The following NRAP variants were observed in gnomAD, a reference collection of about 807,000 sequenced individuals.
NRAP encodes nebulin related anchoring protein, also known as nebulin-related-anchoring protein.
Under a neutral mutation model 225.9 loss-of-function variants are expected in NRAP, and 189 were observed. The ratio of observed to expected loss-of-function variants is 0.84; its 90% confidence interval spans 0.74 to 0.94. The LOEUF (loss-of-function observed/expected upper bound fraction) is 0.94. NRAP is among the 40% of genes least tolerant of loss of function. The pLI is 0.00. For missense variants in NRAP, 2,176 were observed against 2,168.7 expected (o/e 1.00, Z -0.07); for synonymous variants, 769 against 790.7 (o/e 0.97, Z 0.46).
Position 113,654,141 on chromosome 10 carries a change from A to G in NRAP, c.361-16T>C, listed in dbSNP as rs1369146760. On this transcript the variant is annotated splice_polypyrimidine_tract_variant and intron_variant, in intron 4 of 41. Transcript: ENST00000359988. ...AATAGGCTCTCTACAAAGGAAGCAC[A>G]TGAAGGGATACAAACACATGCCCCA... 2 of 1,483,244 alleles carry G rather than the reference A, an allele frequency of 1.3e-6. No homozygotes were observed. The highest frequency in any genetic ancestry group is 1.9e-6 in the Non-Finnish European group (2 of 1,061,136). The allele number at this position is 1,483,244 out of a possible 1,614,324, so 91.9% of individuals were successfully genotyped here.
At position 113,643,023 on chromosome 10, in the gene NRAP, CCTT is replaced by C. The variant is rs1849296629; in HGVS notation, c.1123_1125del (p.Lys375del). On this transcript the variant is annotated inframe_deletion, in exon 12 of 42. Coordinates refer to ENST00000359988, the MANE Select transcript of NRAP (RefSeq NM_198060.4). The stretch of plus-strand genomic sequence containing the variant: ...CTGTGACCTCTACTACTTTCCAGAT[CCTT>C]CTTATACTCCACCTTGGAAATCAAA... 1 of 1,559,568 alleles carries C rather than the reference CCTT, an allele frequency of 6.4e-7. No homozygotes were observed.
chr10:113,625,956 T>C (rs544303117), intron 21 of NRAP, 91 bp downstream of exon 21: 2 of 786,638 alleles, frequency 2.5e-6, no homozygotes, highest in Non-Finnish European at 3.9e-6. Flanking sequence ...GGTTTCTGGA[T>C]TGTGCCTGGG....
At chr10:113,629,097 A>G in intron 19 of NRAP, 76 bp from the exon 20 acceptor site, 1 of 1,052,688 alleles carries the variant, frequency 9.5e-7, no homozygotes, top group South Asian at 1.3e-5. Flanking sequence ...AGAGTTAAGA[A>G]GATCTTGATC....
At position 113,629,795 on chromosome 10, in the gene NRAP, A is replaced by C; in HGVS notation, c.1843-10T>G. ...CTTTCTTATATTCAACCTTGAATAT[A>C]CCAAAACAAGGCCCGTTTTGTTAGT... On this transcript the variant is annotated splice_polypyrimidine_tract_variant and intron_variant, in intron 18 of 41. Transcript: ENST00000359988. 1 of 1,599,810 alleles carries C rather than the reference A, an allele frequency of 6.3e-7. No individual in the cohort carries two copies. The highest frequency in any genetic ancestry group is 8.6e-7 in the Non-Finnish European group (1 of 1,167,050).
In NRAP at chr10:113,614,959, T is replaced by G. The variant is rs956219861; in HGVS notation, c.3079-13A>C. 6.0e-6 allele frequency: 9 copies of G among 1,489,868 alleles called. No homozygotes were observed. The African/African-American group carries it at 1.2e-4, about 21-fold the overall frequency. 92.3% of individuals were successfully genotyped at this position (1,489,868 alleles called of 1,614,324 possible). ...CCTTATAACGCGTCTGTCGGGAAGATGTGCACAAGGAAAGACCTTTAAGTG... is the reference window on the plus strand; with the variant it reads ...CCTTATAACGCGTCTGTCGGGAAGAGGTGCACAAGGAAAGACCTTTAAGTG... On this transcript the variant is annotated splice_polypyrimidine_tract_variant and intron_variant, in intron 27 of 41. Coordinates refer to ENST00000359988, the MANE Select transcript of NRAP (RefSeq NM_198060.4).
At chr10:113,641,131 T>G (rs1229206192) in intron 13 of NRAP, among the ~76,000 whole-genome samples, 2 of 152,246 alleles carry the variant, frequency 1.3e-5, no homozygotes, top group African/African-American at 2.4e-5. Context: ...ACTGAAGTAC[T>G]CTTCAAATTA....
chr10:113,589,367 G>GAGCA, intron 41 of NRAP: 1 of 564,008 alleles, frequency 1.8e-6, no homozygotes, highest in Non-Finnish European at 3.1e-6. Flanking sequence ...CGAATGTAAC[G>GAGCA]AGCAAGCAGT....
intron 11 of NRAP, 49 bp downstream of exon 11, chr10:113,645,776 G>A: frequency 1.1e-6 from 1 of 938,116 alleles, no homozygotes; most frequent in Middle Eastern, 2.2e-4. Context: ...CTGACTATAG[G>A]AGATAAAAGA....
intron 30 of NRAP, among the ~76,000 whole-genome samples, chr10:113,611,663 C>T (rs918989414): frequency 1.3e-5 from 2 of 152,196 alleles, no homozygotes; most frequent in South Asian, 4.1e-4. Context: ...TCCCTCTCCA[C>T]TCCCTGAAGT....
chr10:113,617,420 T>A (rs763451520), intron 26 of NRAP, 35 bp downstream of exon 26: 32 of 1,243,378 alleles, frequency 2.6e-5, no homozygotes, highest in African/African-American at 4.4e-5. Context: ...AAGAGCCCAC[T>A]CTTAGAGTCA....
At chr10:113,642,470 G>A (rs977707059) in intron 12 of NRAP, among the ~76,000 whole-genome samples, 3 of 152,130 alleles carry the variant, frequency 2.0e-5, no homozygotes, top group Non-Finnish European at 2.9e-5. Context: ...GACCTGCTCT[G>A]AGAATCTCCA....
rs759642576 is a variant in NRAP, at chr10:113,640,250, T to C, written c.1405A>G (p.Met469Val). The change falls in exon 14 of 42, where the codon ATG becomes GTG. Residue 469 changes from methionine to valine, a missense_variant. This residue lies in a region of NRAP where 1,708 missense variants were observed against 1,695.5 expected (regional missense o/e 1.01). Coordinates refer to ENST00000359988, the MANE Select transcript of NRAP (RefSeq NM_198060.4). Reference protein sequence around the residue: ...ATLTPSYQTAMKLVPLKDANY... With the variant: ...ATLTPSYQTAVKLVPLKDANY... The stretch of plus-strand genomic sequence containing the variant: ...ACATCTTTCAAGGGCACCAGTTTCA[T>C]AGCTGTTTGATAGGAAGGCGTGAGA... The C allele has an allele frequency of 1.0e-5, 16 of 1,604,014 alleles. No homozygotes were observed. The Admixed American group carries it at 2.6e-4, about 26-fold the overall frequency.
intron 14 of NRAP, among the ~76,000 whole-genome samples, chr10:113,635,387 A>G (rs968660385): frequency 6.6e-6 from 1 of 152,138 alleles, no homozygotes; most frequent in African/African-American, 2.4e-5. Flanking sequence ...GAAAAGAGGG[A>G]GAGGTTGTGG....
Position 113,589,788 on chromosome 10 carries a change from T to C in NRAP, c.4966A>G (p.Lys1656Glu). Residue 1656 changes from lysine to glutamate, a missense_variant, in exon 41 of 42, where the codon AAA becomes GAA. Physicochemically the swap from Lys to Glu is moderately conservative, Grantham distance 56. Around this residue, in one of 3 missense-constraint regions of NRAP, gnomAD observed 445 missense variants for 426.1 expected, o/e 1.04. Coordinates refer to ENST00000359988, the MANE Select transcript of NRAP (RefSeq NM_198060.4). ...AHQLQSDVKY[K>E]SDLNLTRGVG... Reference sequence around the variant, plus strand: ...CCTCTGGTCAGGTTCAAGTCTGATTTATACTTGACCTTGAGGGTAAGAGGG... The same window carrying C: ...CCTCTGGTCAGGTTCAAGTCTGATTCATACTTGACCTTGAGGGTAAGAGGG... 1.9e-6 allele frequency: 3 copies of C among 1,613,912 alleles called. No homozygotes were observed. The highest frequency in any genetic ancestry group is 2.5e-6 in the Non-Finnish European group (3 of 1,179,942).
chr10:113,615,599 T>C, intron 27 of NRAP, 113 bp downstream of exon 27: 1 of 710,010 alleles, frequency 1.4e-6, no homozygotes, highest in Non-Finnish European at 2.6e-6. Flanking sequence ...AAGGTGGTGA[T>C]GGCAGAACAT....
intron 14 of NRAP, among the ~76,000 whole-genome samples, chr10:113,636,821 A>G (rs1168803175): frequency 1.3e-5 from 2 of 152,056 alleles, no homozygotes; most frequent in Non-Finnish European, 2.9e-5. Flanking sequence ...AGCCTCACCA[A>G]CATAGTGAAA....
chr10:113,609,436 T>C (rs576938417), intron 31 of NRAP, among the ~76,000 whole-genome samples: 1 of 152,282 alleles, frequency 6.6e-6, no homozygotes, highest in African/African-American at 2.4e-5. Flanking sequence ...TGAACACCTA[T>C]TACTTCCAGT....
At chr10:113,627,996 C>T (rs1848377385) in intron 20 of NRAP, among the ~76,000 whole-genome samples, 1 of 152,016 alleles carries the variant, frequency 6.6e-6, no homozygotes, top group Non-Finnish European at 1.5e-5. Flanking sequence ...CCTTCTTGGC[C>T]CTGAAACAAG....
intron 1 of NRAP, 147 bp from the exon 2 acceptor site, chr10:113,663,593 C>T (rs1850832448): frequency 6.2e-6 from 4 of 644,426 alleles, no homozygotes; most frequent in Admixed American, 2.9e-5. Context: ...TATAACAACA[C>T]TCACGGTTAA....
Sources: allele counts gnomAD v4.1 joint callset (sites outside exome capture counted in the v4.1 genomes callset), GRCh38; gene constraint gnomAD v4.1.1; regional missense constraint gnomAD v4.1.1; transcripts MANE v1.5; gene names NCBI Gene and HGNC (gene_info 2026-07-23, HGNC 2026-07-21).